GPN1: variants seen among roughly 807,000 people sequenced by gnomAD.
GPN1 encodes the protein ATP(GTP)-binding protein.
Under a neutral mutation model 55.9 loss-of-function variants are expected in GPN1, and 44 were observed. The observed-to-expected ratio is 0.79, with a 90% CI of 0.62 to 1.01. The LOEUF is 1.01. Among genes scored for constraint, GPN1 ranks in the 50% least tolerant of loss-of-function variants. The pLI is 0.00. For missense variants in GPN1, 466 were observed against 462.8 expected, an observed-to-expected ratio of 1.01 and a Z score of -0.06; for synonymous variants, 179 against 162.5, an observed-to-expected ratio of 1.10 and a Z score of -0.77.
chr2:27,639,907 G>A, intron 9 of GPN1, 136 bp from the exon 10 acceptor site: 1 of 692,898 alleles, frequency 1.4e-6, no homozygotes, highest in Non-Finnish European at 2.6e-6. Context: ...TTCTTTTTTA[G>A]CCTGGCTTTT....
Position 27,642,978 on chromosome 2 carries a change from C to T in GPN1, c.931+459C>T, listed in dbSNP as rs941422734. Among the ~76,000 whole-genome samples, 7 of 151,220 alleles carry T rather than the reference C, an allele frequency of 4.6e-5. No individual in the cohort carries two copies. In the South Asian group the frequency reaches 1.5e-3, roughly 32 times the overall value. On this transcript the variant is annotated intron_variant, in intron 12 of 13. Transcript: ENST00000610189. ...ATATATACACACACACACACACACA[C>T]ACACACACACACACACATACATATG...
intron 1 of GPN1, 63 bp from the exon 2 acceptor site, chr2:27,629,796 G>A: frequency 2.3e-6 from 2 of 886,582 alleles, no homozygotes; most frequent in East Asian, 4.8e-5. Context: ...GGTGTTAAAG[G>A]AATGGAAGTT....
intron 3 of GPN1, 158 bp from the exon 4 acceptor site, chr2:27,631,676 T>G (rs1673557989): frequency 1.6e-6 from 1 of 637,016 alleles, no homozygotes; most frequent in East Asian, 2.7e-5. Flanking sequence ...AATGACTGTT[T>G]CCCTGTGTGG....
chr2:27,635,628 G>A (rs1312443772), intron 7 of GPN1, among the ~76,000 whole-genome samples: 1 of 151,886 alleles, frequency 6.6e-6, no homozygotes, highest in Admixed American at 6.6e-5. Context: ...CCAGGCTGGG[G>A]AACATAGCAA....
At chr2:27,630,576 G>A (rs928494190) in intron 2 of GPN1, among the ~76,000 whole-genome samples, 1 of 151,702 alleles carries the variant, frequency 6.6e-6, no homozygotes. Context: ...TGTTGCCCAG[G>A]CTGGTCTTGA....
At chr2:27,640,458 C>A (rs151235359) in intron 10 of GPN1, among the ~76,000 whole-genome samples, 1 of 152,142 alleles carries the variant, frequency 6.6e-6, no homozygotes, top group Non-Finnish European at 1.5e-5. Flanking sequence ...AGGACAAAAG[C>A]GTCCTCAGAC....
chr2:27,628,725 C>T, upstream of GPN1: 4 of 1,550,984 alleles, frequency 2.6e-6, no homozygotes, highest in Non-Finnish European at 3.5e-6. Context: ...GCATGCTCCT[C>T]GTTTTCTTGC....
At chr2:27,642,391 C>G (rs758953732) in intron 11 of GPN1, 38 bp from the exon 12 acceptor site, 1 of 1,322,302 alleles carries the variant, frequency 7.6e-7, no homozygotes, top group Non-Finnish European at 1.1e-6. Flanking sequence ...TTTGGGACTC[C>G]TTTTTGAATA....
Position 27,650,325 on chromosome 2 carries a change from T to G in GPN1, c.*125T>G. On this transcript the variant is annotated 3_prime_UTR_variant, in exon 14 of 14. Transcript: ENST00000610189. ...ATAATTTTCCTCAGAGTAGCAAAGTTTCTCTTATTAGAGAAATCTTGTGAC... is the reference window on the plus strand; with the variant it reads ...ATAATTTTCCTCAGAGTAGCAAAGTGTCTCTTATTAGAGAAATCTTGTGAC... 1 of 554,806 alleles carries G rather than the reference T, an allele frequency of 1.8e-6. No individual in the cohort carries two copies. Among genetic ancestry groups the G allele is most frequent in the Non-Finnish European group, 3.2e-6 (1 of 308,620 alleles). 34.4% of individuals were successfully genotyped at this position (554,806 alleles called of 1,614,324 possible).
chr2:27,628,634 C>T (rs906131399), upstream of GPN1: 10 of 1,551,444 alleles, frequency 6.4e-6, no homozygotes, highest in Admixed American at 1.8e-4. Context: ...AACTGTTTAA[C>T]CGCCTCGGCT....
At chr2:27,646,111 G>A (rs1674214657) in intron 12 of GPN1, among the ~76,000 whole-genome samples, 1 of 152,072 alleles carries the variant, frequency 6.6e-6, no homozygotes, top group Admixed American at 6.6e-5. Context: ...GCGCGATCTC[G>A]GCTCACTGCA....
chr2:27,646,724 C>T (rs959579294), intron 12 of GPN1, among the ~76,000 whole-genome samples: 2 of 151,936 alleles, frequency 1.3e-5, no homozygotes, highest in Non-Finnish European at 2.9e-5. Flanking sequence ...TTTTTCTTCT[C>T]ATCAGCAACA....
chr2:27,635,508 C>T (rs1673702216), intron 7 of GPN1, among the ~76,000 whole-genome samples: 1 of 152,070 alleles, frequency 6.6e-6, no homozygotes, highest in South Asian at 2.1e-4. Context: ...GATAGTTGTT[C>T]CCAGTTGGAT....
chr2:27,641,165 A>C, intron 10 of GPN1, 75 bp from the exon 11 acceptor site: 3 of 919,556 alleles, frequency 3.3e-6, no homozygotes, highest in Non-Finnish European at 5.2e-6. Flanking sequence ...TTAGGAAAAT[A>C]GAGATAAGGG....
Position 27,629,146 on chromosome 2 carries a change from T to G in GPN1, c.88T>G (p.Ser30Ala). The change falls in exon 1 of 14, where the codon TCC becomes GCC. Residue 30 changes from serine to alanine, a missense_variant. Ser to Ala is a moderately conservative substitution (Grantham distance 99, BLOSUM62 1). Transcript: ENST00000610189. Reference sequence around the variant, plus strand: ...TCTGTTGGTGTTGGGAATGGCGGGATCCGGGAAAACCACTTTTGTACAGGT... The same window carrying G: ...TCTGTTGGTGTTGGGAATGGCGGGAGCCGGGAAAACCACTTTTGTACAGGT... ...VCLLVLGMAG[S>A]GKTTFVQRLT... 1 of 1,614,172 alleles carries G rather than the reference T, an allele frequency of 6.2e-7. No individual in the cohort carries two copies. The highest frequency in any genetic ancestry group is 8.5e-7 in the Non-Finnish European group (1 of 1,180,034).
Position 27,640,124 on chromosome 2 carries a change from A to T in GPN1, c.799A>T (p.Arg267Trp), listed in dbSNP as rs776576576. Residue 267 changes from arginine (R) to tryptophan (W), a missense_variant and splice_region_variant, in exon 10 of 14, where the codon AGG (arginine) becomes TGG (tryptophan). Coordinates refer to ENST00000610189, the MANE Select transcript of GPN1 (RefSeq NM_007266.4). The stretch of plus-strand genomic sequence containing the variant: ...TACCAGTGCTGCCGAAGAATATGAA[A>T]GGTGAGGATAAAGGAAAATTCTATT... Reference protein sequence around the residue: ...QVTSAAEEYEREYRPEYERLK... With the variant: ...QVTSAAEEYEWEYRPEYERLK... 3 of 1,595,858 alleles carry T rather than the reference A, an allele frequency of 1.9e-6. No homozygotes were observed. The South Asian group carries it at 3.3e-5, about 18-fold the overall frequency.
upstream of GPN1, chr2:27,629,038 G>T: frequency 6.2e-7 from 1 of 1,614,076 alleles, no homozygotes; most frequent in Non-Finnish European, 8.5e-7. Context: ...CTATGGTCGG[G>T]TGGGTGGGGC....
intron 5 of GPN1, among the ~76,000 whole-genome samples, chr2:27,634,510 C>G (rs971078803): frequency 6.6e-6 from 1 of 152,196 alleles, no homozygotes; most frequent in Admixed American, 6.5e-5. Flanking sequence ...TCCACACTCA[C>G]CCCCGCCCTA....
intron 12 of GPN1, among the ~76,000 whole-genome samples, chr2:27,647,427 T>TA (rs1449993966): frequency 6.6e-6 from 1 of 152,222 alleles, no homozygotes; most frequent in African/African-American, 2.4e-5. Flanking sequence ...TCTCTGAACT[T>TA]ACATTTCCAC....
Sources: allele counts gnomAD v4.1 joint callset (sites outside exome capture counted in the v4.1 genomes callset), GRCh38; gene constraint gnomAD v4.1.1; transcripts MANE v1.5; gene names NCBI Gene and HGNC (gene_info 2026-07-23, HGNC 2026-07-21).